The following XKR7 variants were observed in gnomAD, a reference collection of about 807,000 sequenced individuals.
The protein encoded by XKR7 is XK related 7.
Under a neutral mutation model 42.2 loss-of-function variants are expected in XKR7, and 11 were observed. That is an observed-to-expected ratio of 0.26 (90% confidence interval 0.16 to 0.43). The LOEUF (loss-of-function observed/expected upper bound fraction) is 0.43. Ranked by LOEUF, XKR7 falls within the 20% of genes least tolerant of loss-of-function variation. XKR7 has a pLI of 1.00. For missense variants in XKR7, 710 were observed against 802.2 expected (o/e 0.89, Z 1.39); for synonymous variants, 346 against 366.4 (o/e 0.94, Z 0.64).
chr20:31,990,906 C>T (rs972092038), intron 1 of XKR7, among the ~76,000 whole-genome samples: 5 of 152,112 alleles, frequency 3.3e-5, no homozygotes, highest in Non-Finnish European at 7.4e-5. Flanking sequence ...AGGGGCAGAG[C>T]GAGGCAGAAC....
rs1293504158 is a variant in XKR7, at chr20:32,001,641, C to A, written c.*4184C>A. The A allele has an allele frequency of 3.3e-5, 5 of 152,168 alleles. No homozygotes were observed. The highest frequency in any genetic ancestry group is 5.9e-5 in the Non-Finnish European group (4 of 68,042). 9.4% of individuals were successfully genotyped at this position (152,168 alleles called of 1,614,324 possible). A position where few individuals can be genotyped will look rare whatever the true frequency, so the allele number is the denominator to read the frequency against. On this transcript the variant is annotated 3_prime_UTR_variant, in exon 3 of 3. Coordinates refer to ENST00000562532, the MANE Select transcript of XKR7 (RefSeq NM_001011718.2). ...AATCATCTGATAAGGGCTACAGGCC[C>A]CTCCAGTGCCTCATGGGGTTAGAGG...
chr20:31,996,429 C>G, intron 2 of XKR7, 76 bp from the exon 3 acceptor site: 1 of 1,105,766 alleles, frequency 9.0e-7, no homozygotes. Flanking sequence ...TGACCCAGAA[C>G]CCTCCGCCTC....
chr20:31,996,393 C>A, intron 2 of XKR7, 112 bp from the exon 3 acceptor site: 1 of 745,548 alleles, frequency 1.3e-6, no homozygotes, highest in Non-Finnish European at 2.1e-6. Flanking sequence ...AGCTCCTTTC[C>A]TCACGCCTCT....
rs1195532418 is a variant in XKR7, at chr20:31,995,261, C to G, written c.778C>G (p.Leu260Val). 1.3e-6 allele frequency: 2 copies of G among 1,536,696 alleles called. No individual in the cohort carries two copies. The highest frequency in any genetic ancestry group is 8.7e-7 in the Non-Finnish European group (1 of 1,146,126). The part of the protein sequence containing the change: ...LLVHRGGAPD[L>V]LPALSTSASL... ...GGTGCACCGCGGTGGCGCGCCCGAC[C>G]TGCTGCCGGGTGAGCCCGCCCCTTC... Residue 260 changes from leucine to valine, a missense_variant, in exon 2 of 3, where the codon CTG (leucine) becomes GTG (valine). Around this residue, in one of 2 missense-constraint regions of XKR7, gnomAD observed 708 missense variants for 786.2 expected, o/e 0.90. Transcript: ENST00000562532. This position sits in a 1 kb window ranked among gnomAD's most constrained non-coding sequence, Gnocchi z 4.1.
At chr20:31,981,479 G>A (rs1391718879) in intron 1 of XKR7, among the ~76,000 whole-genome samples, 1 of 152,154 alleles carries the variant, frequency 6.6e-6, no homozygotes, top group African/African-American at 2.4e-5. Flanking sequence ...ATCACCTGAG[G>A]TCAGGATTTT....
chr20:31,980,865 C>A (rs948699201), intron 1 of XKR7, among the ~76,000 whole-genome samples: 1 of 151,622 alleles, frequency 6.6e-6, no homozygotes, highest in African/African-American at 2.4e-5. Flanking sequence ...AGTTCGAGAC[C>A]AGCCTGGGCA....
Position 31,996,494 on chromosome 20 carries a change from TG to T in XKR7, c.788-10del. 8.7e-6 allele frequency: 1 copy of T among 114,464 alleles called. No individual in the cohort carries two copies. The highest frequency in any genetic ancestry group is 1.2e-5 in the Non-Finnish European group (1 of 83,320). The allele number at this position is 114,464 out of a possible 1,614,324, so 7.1% of individuals were successfully genotyped here. A position where few individuals can be genotyped will look rare whatever the true frequency, so the allele number is the denominator to read the frequency against. On this transcript the variant is annotated splice_polypyrimidine_tract_variant and intron_variant, in intron 2 of 2. Transcript: ENST00000562532. The stretch of plus-strand genomic sequence containing the variant: ...AACCCAGCCCACCCCGCCCCTGCCC[TG>T]TCTCCACAGCCCTCTCCACCTCCGC...
At position 31,995,279 on chromosome 20, in the gene XKR7, G is replaced by A. The variant is rs2064586331; in HGVS notation, c.787+9G>A. On this transcript the variant is annotated intron_variant, in intron 2 of 2. Transcript: ENST00000562532. The surrounding 1 kb of genome is among the most constrained non-coding windows in gnomAD (Gnocchi z 4.1). The stretch of plus-strand genomic sequence containing the variant: ...GCCCGACCTGCTGCCGGGTGAGCCC[G>A]CCCCTTCACCCTCTGCGCCTGGGAC... 3 of 1,534,464 alleles carry A rather than the reference G, an allele frequency of 2.0e-6. No homozygotes were observed. The highest frequency in any genetic ancestry group is 2.2e-4 in the Middle Eastern group (1 of 4,446).
chr20:31,995,389 C>A lies in XKR7; in HGVS notation c.787+119C>A. On this transcript the variant is annotated intron_variant, in intron 2 of 2. Coordinates refer to ENST00000562532, the MANE Select transcript of XKR7 (RefSeq NM_001011718.2). This position sits in a 1 kb window ranked among gnomAD's most constrained non-coding sequence, Gnocchi z 4.1. The stretch of plus-strand genomic sequence containing the variant: ...CACCCCAGCTCAGGGCTCACTCAGT[C>A]AGGGTTTAGGGAGGCCTGCCCCTTC... 1 of 1,488,204 alleles carries A rather than the reference C, an allele frequency of 6.7e-7. No homozygotes were observed. The highest frequency in any genetic ancestry group is 8.9e-7 in the Non-Finnish European group (1 of 1,123,474). 92.2% of individuals were successfully genotyped at this position (1,488,204 alleles called of 1,614,324 possible). A position where few individuals can be genotyped will look rare whatever the true frequency, so the allele number is the denominator to read the frequency against.
intron 1 of XKR7, chr20:31,970,397 A>G (rs1600654353): frequency 6.6e-6 from 1 of 152,332 alleles, no homozygotes; most frequent in East Asian, 1.9e-4. Flanking sequence ...TTTCCCTCAA[A>G]TAGGGCAAAA....
At chr20:31,988,829 G>C (rs1222631792) in intron 1 of XKR7, among the ~76,000 whole-genome samples, 2 of 152,210 alleles carry the variant, frequency 1.3e-5, no homozygotes, top group African/African-American at 4.8e-5. Flanking sequence ...GGAGGAGCCT[G>C]TGAGGTGTCC....
intron 1 of XKR7, among the ~76,000 whole-genome samples, chr20:31,975,912 T>G (rs1315955345): frequency 2.0e-5 from 3 of 152,242 alleles, no homozygotes; most frequent in African/African-American, 7.2e-5. Context: ...CTCTTGACAA[T>G]CCTGCCAGGT....
At position 31,997,332 on chromosome 20, in the gene XKR7, T is replaced by G. The variant is rs766997373; in HGVS notation, c.1615T>G (p.Phe539Val). 22 of 1,608,784 alleles carry G rather than the reference T, an allele frequency of 1.4e-5. No individual in the cohort carries two copies. Among genetic ancestry groups the G allele is most frequent in the Non-Finnish European group, 1.6e-5 (19 of 1,179,972 alleles). ...GAAGTACCCGGCCTGGGATGCTCAT[T>G]TTATTGACCGCCGGCTCCGGAAGAC... The part of the protein sequence containing the change: ...RKKYPAWDAH[F>V]IDRRLRKTIL... Residue 539 changes from phenylalanine to valine, a missense_variant, in exon 3 of 3, where the codon TTT becomes GTT. Around this residue, in one of 2 missense-constraint regions of XKR7, gnomAD observed 708 missense variants for 786.2 expected, o/e 0.90. Coordinates refer to ENST00000562532, the MANE Select transcript of XKR7 (RefSeq NM_001011718.2).
Position 31,968,385 on chromosome 20 carries a change from C to T in XKR7, c.210C>T (p.Asp70=), listed in dbSNP as rs1161071001. 3 of 1,613,090 alleles carry T rather than the reference C, an allele frequency of 1.9e-6. No homozygotes were observed. Among genetic ancestry groups the T allele is most frequent in the South Asian group, 2.2e-5 (2 of 91,074 alleles). Residue 70 remains aspartate, a synonymous_variant, in exon 1 of 3, where the codon GAC becomes GAT. Coordinates refer to ENST00000562532, the MANE Select transcript of XKR7 (RefSeq NM_001011718.2). This position sits in a 1 kb window ranked among gnomAD's most constrained non-coding sequence, Gnocchi z 4.5. ...VLCALLVFFS[D]GATDLWLAAS... ...GCGCGCTGCTCGTGTTCTTCTCCGA[C>T]GGTGCCACGGACCTGTGGCTGGCGG...
chr20:31,995,130 A>G lies in XKR7; in HGVS notation c.647A>G (p.His216Arg), dbSNP rs767282786. Residue 216 changes from histidine to arginine, a missense_variant, in exon 2 of 3, where the codon CAC (histidine) becomes CGC (arginine). Transcript: ENST00000562532. The surrounding 1 kb of genome is among the most constrained non-coding windows in gnomAD (Gnocchi z 4.1). ...SRWRGERLRRHFYWQMLFESA... is the reference protein window; with the variant it reads ...SRWRGERLRRRFYWQMLFESA... ...TGGCGCGGGGAGCGGCTGCGGCGCC[A>G]CTTCTACTGGCAGATGCTGTTCGAG... is the stretch of plus-strand genomic sequence containing the variant. 8.0e-5 allele frequency: 124 copies of G among 1,558,462 alleles called. No homozygotes were observed. The highest frequency in any genetic ancestry group is 1.1e-4 in the Non-Finnish European group (122 of 1,151,988).
At position 31,999,519 on chromosome 20, in the gene XKR7, G is replaced by A; in HGVS notation, c.*2062G>A. On this transcript the variant is annotated 3_prime_UTR_variant, in exon 3 of 3. Transcript: ENST00000562532. ...AGGCCTCGAGGGTGACGGGAGGTGGGAGAAGCCCAAGGCTGACCCAGGCCC... is the reference window on the plus strand; with the variant it reads ...AGGCCTCGAGGGTGACGGGAGGTGGAAGAAGCCCAAGGCTGACCCAGGCCC... 6.6e-6 allele frequency: 1 copy of A among 152,180 alleles called. No homozygotes were observed. The highest frequency in any genetic ancestry group is 1.9e-4 in the East Asian group (1 of 5,176). The allele number at this position is 152,180 out of a possible 1,614,324, so 9.4% of individuals were successfully genotyped here. A position where few individuals can be genotyped will look rare whatever the true frequency, so the allele number is the denominator to read the frequency against.
At position 31,985,599 on chromosome 20, in the gene XKR7, C is replaced by T. The variant is rs142562109; in HGVS notation, c.585-9469C>T. On this transcript the variant is annotated intron_variant, in intron 1 of 2. Coordinates refer to ENST00000562532, the MANE Select transcript of XKR7 (RefSeq NM_001011718.2). ...AGCATCCAAGACACAGACAGACCAC[C>T]GAACAGATCCAGTATCCAAAGCACA... 6.6e-3 allele frequency among the ~76,000 whole-genome samples: 1,007 copies of T among 151,522 alleles called. 4 individuals carry two copies. Among genetic ancestry groups the T allele is most frequent in the Middle Eastern group, 0.014 (4 of 294 alleles).
Position 31,997,181 on chromosome 20 carries a change from G to T in XKR7, c.1464G>T (p.Ser488=). 6.2e-7 allele frequency: 1 copy of T among 1,610,228 alleles called. No homozygotes were observed. The highest frequency in any genetic ancestry group is 8.5e-7 in the Non-Finnish European group (1 of 1,179,988). ...CAGGTGCTGAGCGGGATGGGGCCTCGGCGGGAGAGCGTGCAGGGACCCCCA... is the reference window on the plus strand; with the variant it reads ...CAGGTGCTGAGCGGGATGGGGCCTCTGCGGGAGAGCGTGCAGGGACCCCCA... ...RTTGAERDGA[S]AGERAGTPTP... The change falls in exon 3 of 3, where the codon TCG becomes TCT. Residue 488 remains serine, a synonymous_variant. Coordinates refer to ENST00000562532, the MANE Select transcript of XKR7 (RefSeq NM_001011718.2).
chr20:31,974,727 A>G (rs912994017), intron 1 of XKR7, among the ~76,000 whole-genome samples: 2 of 152,144 alleles, frequency 1.3e-5, no homozygotes, highest in African/African-American at 4.8e-5. Context: ...GTATCTCTGA[A>G]TGTCTCTTTT....
Sources: gnomAD v4.1 joint callset for allele counts (sites outside exome capture counted in the v4.1 genomes callset) on GRCh38, gnomAD v4.1.1 for gene constraint, gnomAD v4.1.1 regional missense constraint, Gnocchi (gnomAD v3.1) non-coding constraint, MANE v1.5 for transcripts, NCBI Gene and HGNC (gene_info 2026-07-23, HGNC 2026-07-21) for gene names.